CCDC125: variants seen among roughly 807,000 people sequenced by gnomAD.
CCDC125 encodes the protein coiled-coil domain containing 125.
A neutral mutation model predicts 57.4 loss-of-function variants in CCDC125; 43 were observed. The ratio of observed to expected loss-of-function variants is 0.75; its 90% CI spans 0.59 to 0.97. The LOEUF (loss-of-function observed/expected upper bound fraction) is 0.97. CCDC125 is among the 50% of genes least tolerant of loss of function. CCDC125 has a pLI of 0.00. For synonymous variants in CCDC125, 187 were observed against 195.2 expected (o/e 0.96, Z 0.35); for missense variants, 563 against 595.7 (o/e 0.95, Z 0.57).
In CCDC125 at chr5:69,314,162, G is replaced by A; in HGVS notation, c.305-116C>T. ...ATACAGGTATCCCCTAAATTGCAAA[G>A]AGAAGAGAATTATAATAGAACACCA... is the stretch of plus-strand genomic sequence containing the variant. On this transcript the variant is annotated intron_variant, in intron 2 of 11. Transcript: ENST00000396496. 6.8e-6 allele frequency: 5 copies of A among 734,262 alleles called. No homozygotes were observed. The South Asian group carries it at 7.9e-5, about 12-fold the overall frequency. The allele number at this position is 734,262 out of a possible 1,614,324, so 45.5% of individuals were successfully genotyped here. A position where few individuals can be genotyped will look rare whatever the true frequency, so the allele number is the denominator to read the frequency against.
Position 69,300,005 on chromosome 5 carries a change from T to A in CCDC125, c.816+7A>T. Reference sequence around the variant, plus strand: ...CTTCTGTTCAGCTTTCCTGCATGCTTACCTACCTCAAGACCTGAAGCCTCT... The same window carrying A: ...CTTCTGTTCAGCTTTCCTGCATGCTAACCTACCTCAAGACCTGAAGCCTCT... On this transcript the variant is annotated splice_region_variant and intron_variant, in intron 8 of 11. Coordinates refer to ENST00000396496, the MANE Select transcript of CCDC125 (RefSeq NM_176816.5). 1 of 1,602,416 alleles carries A rather than the reference T, an allele frequency of 6.2e-7. No homozygotes were observed. Among genetic ancestry groups the A allele is most frequent in the Non-Finnish European group, 8.6e-7 (1 of 1,169,294 alleles).
chr5:69,309,683 G>A (rs1425771081), intron 4 of CCDC125: 1 of 152,294 alleles, frequency 6.6e-6, no homozygotes, highest in African/African-American at 2.4e-5. Flanking sequence ...ACTGCCTAGT[G>A]GAGCTATGAG....
In CCDC125 at chr5:69,314,066, G is replaced by A. The variant is rs377643727; in HGVS notation, c.305-20C>T. ...AATCTACTTGGGAGGGAGGAGAAAA[G>A]AATCTATTAGGGGAAAAATTTTGAA... is the stretch of plus-strand genomic sequence containing the variant. On this transcript the variant is annotated intron_variant, in intron 2 of 11. Coordinates refer to ENST00000396496, the MANE Select transcript of CCDC125 (RefSeq NM_176816.5). 61 of 1,547,174 alleles carry A rather than the reference G, an allele frequency of 3.9e-5. No individual in the cohort carries two copies. The highest frequency in any genetic ancestry group is 5.3e-5 in the Non-Finnish European group (59 of 1,120,208).
At position 69,282,816 on chromosome 5, in the gene CCDC125, G is replaced by A; in HGVS notation, c.1449C>T (p.Cys483=). 1 of 1,613,630 alleles carries A rather than the reference G, an allele frequency of 6.2e-7. No individual in the cohort carries two copies. The change falls in exon 12 of 12, where the codon TGC becomes TGT. Residue 483 remains cysteine (C), a synonymous_variant. Coordinates refer to ENST00000396496, the MANE Select transcript of CCDC125 (RefSeq NM_176816.5). The part of the protein sequence containing the change: ...SSVCILNSVG[C]ICSIQHSQID... The stretch of plus-strand genomic sequence containing the variant: ...TTTGAGAGTGCTGGATTGAACAAAT[G>A]CAGCCCACAGAATTTAAAATGCAGA...
At chr5:69,316,255 A>G (rs1759080924) in intron 2 of CCDC125, among the ~76,000 whole-genome samples, 1 of 152,236 alleles carries the variant, frequency 6.6e-6, no homozygotes. Context: ...ACATGGCAAA[A>G]GGAACTTTGC....
intron 6 of CCDC125, among the ~76,000 whole-genome samples, chr5:69,304,352 G>A (rs965157384): frequency 1.1e-4 from 16 of 151,322 alleles, no homozygotes; most frequent in African/African-American, 2.7e-4. Context: ...TGATCAGCCC[G>A]CCTCAGCCTC....
At chr5:69,329,903 C>T (rs2150691706) in intron 1 of CCDC125, among the ~76,000 whole-genome samples, 1 of 152,290 alleles carries the variant, frequency 6.6e-6, no homozygotes, top group African/African-American at 2.4e-5. Context: ...ATTTCTGGCT[C>T]TTTGTCCAGT....
chr5:69,295,484 C>T (rs1453328224), intron 8 of CCDC125, among the ~76,000 whole-genome samples: 1 of 152,190 alleles, frequency 6.6e-6, no homozygotes, highest in Non-Finnish European at 1.5e-5. Flanking sequence ...GCCCTGGAGA[C>T]TCAGTCAGGT....
At chr5:69,291,171 T>G (rs1054325073) in intron 10 of CCDC125, among the ~76,000 whole-genome samples, 36 of 152,190 alleles carry the variant, frequency 2.4e-4, no homozygotes, top group African/African-American at 8.7e-4. Flanking sequence ...AAATTATAAT[T>G]TGACATTTTA....
intron 10 of CCDC125, among the ~76,000 whole-genome samples, chr5:69,290,036 TC>T (rs2150336613): frequency 6.6e-6 from 1 of 152,180 alleles, no homozygotes; most frequent in East Asian, 1.9e-4. Context: ...CTGGCTTCCA[TC>T]TAATGAACAC....
chr5:69,329,427 A>G (rs1212337061), intron 1 of CCDC125, among the ~76,000 whole-genome samples: 4 of 150,070 alleles, frequency 2.7e-5, no homozygotes, highest in African/African-American at 9.8e-5. Flanking sequence ...GGCTCAAGCA[A>G]TCCTTCTGCC....
chr5:69,273,190 C>T, the CCDC125 span: 1 of 568,710 alleles, frequency 1.8e-6, no homozygotes. Context: ...TGTATCTTTT[C>T]CCCAAACTAC....
chr5:69,321,124 A>G (rs549463717), intron 1 of CCDC125, among the ~76,000 whole-genome samples: 1 of 152,308 alleles, frequency 6.6e-6, no homozygotes, highest in East Asian at 1.9e-4. Context: ...AGCATGGTGA[A>G]TATAACAAAA....
chr5:69,320,554 T>A lies in CCDC125; in HGVS notation c.-14A>T. The A allele has an allele frequency of 6.4e-7, 1 of 1,574,510 alleles. No homozygotes were observed. The highest frequency in any genetic ancestry group is 8.6e-7 in the Non-Finnish European group (1 of 1,160,928). On this transcript the variant is annotated 5_prime_UTR_variant, in exon 2 of 12. Transcript: ENST00000396496. ...CACCTTGCTCATGAGCCAAATGCCG[T>A]CTTTATCATAAGAAAAAATGGGCTG...
chr5:69,274,519 ATC>A, the CCDC125 span, among the ~76,000 whole-genome samples: 2 of 152,326 alleles, frequency 1.3e-5, no homozygotes, highest in Non-Finnish European at 2.9e-5. Flanking sequence ...GAAGTAAGGA[ATC>A]TCTAAATTAC....
intron 2 of CCDC125, among the ~76,000 whole-genome samples, chr5:69,316,229 C>T (rs1045307843): frequency 2.6e-4 from 39 of 152,138 alleles, no homozygotes; most frequent in South Asian, 6.2e-4. Flanking sequence ...CATGCCAATT[C>T]CCAGAAGCTG....
intron 10 of CCDC125, among the ~76,000 whole-genome samples, chr5:69,290,302 CTATTAT>C (rs894103809): frequency 4.7e-5 from 7 of 149,036 alleles, no homozygotes; most frequent in Non-Finnish European, 8.9e-5. Context: ...ATTATTATTA[CTATTAT>C]TATTATTATT....
At chr5:69,313,819 C>T in intron 3 of CCDC125, 166 bp downstream of exon 3, 1 of 831,052 alleles carries the variant, frequency 1.2e-6, no homozygotes, top group Non-Finnish European at 2.1e-6. Context: ...TACACAACTT[C>T]ATGTCGTTGA....
intron 10 of CCDC125, among the ~76,000 whole-genome samples, chr5:69,286,068 G>C (rs959427491): frequency 6.6e-6 from 1 of 151,274 alleles, no homozygotes; most frequent in East Asian, 1.9e-4. Context: ...AGGAGTTACT[G>C]TTTCATGGGA....
Sources: allele counts gnomAD v4.1 joint callset (sites outside exome capture counted in the v4.1 genomes callset), GRCh38; gene constraint gnomAD v4.1.1; transcripts MANE v1.5; gene names NCBI Gene and HGNC (gene_info 2026-07-23, HGNC 2026-07-21).